Variants in IFT172 observed in about 807,000 individuals in gnomAD.
IFT172 encodes intraflagellar transport 172, also known as intraflagellar transport protein 172 homolog.
Under a neutral mutation model 248.9 loss-of-function variants are expected in IFT172, and 164 were observed. That is an observed-to-expected ratio of 0.66 (90% CI 0.58 to 0.75). IFT172 has a LOEUF of 0.75. IFT172 is among the 30% of genes least tolerant of loss of function. The probability of loss-of-function intolerance (pLI) is 0.00; values close to 1 mark genes in which losing one functional copy is unlikely to be tolerated. For synonymous variants in IFT172, 729 were observed against 791.6 expected, an observed-to-expected ratio of 0.92 and a Z score of 1.33; for missense variants, 1,950 against 2,192.4, an observed-to-expected ratio of 0.89 and a Z score of 2.21.
chr2:27,461,294 A>T lies in IFT172; in HGVS notation c.2417T>A (p.Leu806His). 1 of 1,614,100 alleles carries T rather than the reference A, an allele frequency of 6.2e-7. No individual in the cohort carries two copies. The highest frequency in any genetic ancestry group is 8.5e-7 in the Non-Finnish European group (1 of 1,180,004). Residue 806 changes from leucine (L) to histidine (H), a missense_variant, in exon 22 of 48, where the codon CTT (leucine) becomes CAT (histidine). Leu to His is a moderately conservative substitution (Grantham distance 99, BLOSUM62 -3). Around this residue, in one of 3 missense-constraint regions of IFT172, gnomAD observed 1,166 missense variants for 1,254.1 expected, o/e 0.93. Coordinates refer to ENST00000260570, the MANE Select transcript of IFT172 (RefSeq NM_015662.3). ...TELVEHITAA[L>H]IKGELYERAG... ...CCTTTCGTAGAGTTCCCCCTTGATA[A>T]GGGCTGCAGTGATGTGTTCTACCAG...
Position 27,465,832 on chromosome 2 carries a change from C to T in IFT172, c.1743G>A (p.Val581=). 9 of 1,614,112 alleles carry T rather than the reference C, an allele frequency of 5.6e-6. No individual in the cohort carries two copies. Among genetic ancestry groups the T allele is most frequent in the Middle Eastern group, 1.6e-4 (1 of 6,062 alleles). Residue 581 remains valine (V), a synonymous_variant, in exon 17 of 48, where the codon GTG becomes GTA. Transcript: ENST00000260570. The part of the protein sequence containing the change: ...ERGGGKTEVM[V]MEGVTTVAYT... ...AGGCAACAGTAGTCACACCTTCCATCACCATCACCTCGGTCTTTCCCCCGC... is the reference window on the plus strand; with the variant it reads ...AGGCAACAGTAGTCACACCTTCCATTACCATCACCTCGGTCTTTCCCCCGC...
chr2:27,446,981 G>A (rs1288805164), intron 42 of IFT172, among the ~76,000 whole-genome samples: 1 of 151,962 alleles, frequency 6.6e-6, no homozygotes, highest in Non-Finnish European at 1.5e-5. Context: ...TTACAGGCGT[G>A]AGCCACCGCG....
intron 15 of IFT172, 92 bp from the exon 16 acceptor site, chr2:27,471,187 G>A (rs1667542615): frequency 8.0e-7 from 1 of 1,253,498 alleles, no homozygotes; most frequent in African/African-American, 1.5e-5. Flanking sequence ...GATGTGGTGA[G>A]CTAACCCACC....
At position 27,489,698 on chromosome 2, in the gene IFT172, C is replaced by G; in HGVS notation, c.-45G>C. On this transcript the variant is annotated 5_prime_UTR_variant, in exon 1 of 48. Transcript: ENST00000260570. ...GATGCTCCTAGACAGCGACAACTCC[C>G]GTGGTTACCTGGACAACCCGCCACG... 1 of 1,538,898 alleles carries G rather than the reference C, an allele frequency of 6.5e-7. No homozygotes were observed. Among genetic ancestry groups the G allele is most frequent in the African/African-American group, 1.4e-5 (1 of 73,258 alleles).
chr2:27,450,951 G>GT (rs60390986), intron 35 of IFT172, among the ~76,000 whole-genome samples: 230 of 143,190 alleles, frequency 1.6e-3, no homozygotes, highest in East Asian at 4.9e-3. Flanking sequence ...ATTTTTACCT[G>GT]TTTTTTTTTT....
At chr2:27,461,222 G>C (rs539429828) in intron 22 of IFT172, 47 bp downstream of exon 22, 18 of 1,611,628 alleles carry the variant, frequency 1.1e-5, no homozygotes, top group Non-Finnish European at 1.4e-5. Context: ...GTAAGGGAAG[G>C]GTCCTGAGCT....
chr2:27,481,490 G>A (rs971126202), intron 7 of IFT172, among the ~76,000 whole-genome samples: 2 of 150,988 alleles, frequency 1.3e-5, no homozygotes. Context: ...CATAGGGGTT[G>A]ACCTTGTGCT....
In IFT172 at chr2:27,454,017, C is replaced by T; in HGVS notation, c.3676G>A (p.Ala1226Thr). Residue 1226 changes from alanine (A) to threonine (T), a missense_variant, in exon 33 of 48, where the codon GCC becomes ACC. This residue lies in a region of IFT172 where 620 missense variants were observed against 699.0 expected (regional missense o/e 0.89). Transcript: ENST00000260570. The surrounding 1 kb of genome is among the most constrained non-coding windows in gnomAD (Gnocchi z 4.2). The stretch of plus-strand genomic sequence containing the variant: ...TTGAGGGCCAGGCCTGGTCTCTGGG[C>T]CCGGAGCAGCAGCCCTTCTGCTTTC... The part of the protein sequence containing the change: ...FQKAEGLLLR[A>T]QRPGLALNYY... 1 of 1,613,926 alleles carries T rather than the reference C, an allele frequency of 6.2e-7. No homozygotes were observed. Among genetic ancestry groups the T allele is most frequent in the Non-Finnish European group, 8.5e-7 (1 of 1,179,970 alleles).
Position 27,449,444 on chromosome 2 carries a change from G to C in IFT172, c.4224+55C>G, listed in dbSNP as rs112384215. 841 of 1,573,250 alleles carry C rather than the reference G, an allele frequency of 5.3e-4. 2 individuals carry two copies. The African/African-American group carries it at 9.8e-3, about 18-fold the overall frequency. ...TGACATGAGGGAAAGAAGAGGGAGA[G>C]AGTCTTGTGAGTCTCTCCCTGCATT... On this transcript the variant is annotated intron_variant, in intron 38 of 47. Transcript: ENST00000260570.
intron 16 of IFT172, among the ~76,000 whole-genome samples, chr2:27,466,549 G>A (rs539873560): frequency 6.6e-6 from 1 of 152,072 alleles, no homozygotes; most frequent in Non-Finnish European, 1.5e-5. Context: ...AATCATCACT[G>A]GAGGAGAACA....
intron 1 of IFT172, 90 bp from the exon 2 acceptor site, chr2:27,485,593 G>T: frequency 6.9e-7 from 1 of 1,451,630 alleles, no homozygotes; most frequent in Non-Finnish European, 9.4e-7. Flanking sequence ...TGTAATACTG[G>T]TCAATTTTCT....
chr2:27,445,544 C>G lies in IFT172; in HGVS notation c.4915-95G>C. 7.1e-7 allele frequency: 1 copy of G among 1,415,040 alleles called. No individual in the cohort carries two copies. The highest frequency in any genetic ancestry group is 1.4e-5 in the South Asian group (1 of 73,362). The allele number at this position is 1,415,040 out of a possible 1,614,324, so 87.7% of individuals were successfully genotyped here. ...AGGAGGGGGTTTGCTAAGCCCTCAT[C>G]CTGTATACCAGCTTTTAGCCACGAA... On this transcript the variant is annotated intron_variant, in intron 45 of 47. Transcript: ENST00000260570. The surrounding 1 kb of genome is among the most constrained non-coding windows in gnomAD (Gnocchi z 4.4).
chr2:27,457,080 G>A (rs1396732304), intron 29 of IFT172, among the ~76,000 whole-genome samples: 2 of 151,940 alleles, frequency 1.3e-5, no homozygotes, highest in East Asian at 1.9e-4. Context: ...AACAGGAAGA[G>A]GGCTAAATTT....
chr2:27,483,909 G>C lies in IFT172; in HGVS notation c.365C>G (p.Ala122Gly). Residue 122 changes from alanine (A) to glycine (G), a missense_variant, in exon 5 of 48, where the codon GCA becomes GGA. Around this residue, in one of 3 missense-constraint regions of IFT172, gnomAD observed 1,166 missense variants for 1,254.1 expected, o/e 0.93. Transcript: ENST00000260570. Reference sequence around the variant, plus strand: ...CAGTCCAAAGACAATGATGTATTCTGCCGGCCATTGCAGACAAGTGACAGC... The same window carrying C: ...CAGTCCAAAGACAATGATGTATTCTCCCGGCCATTGCAGACAAGTGACAGC... ...TSAVTCLQWP[A>G]EYIIVFGLAE... 6.2e-7 allele frequency: 1 copy of C among 1,613,872 alleles called. No homozygotes were observed. The highest frequency in any genetic ancestry group is 8.5e-7 in the Non-Finnish European group (1 of 1,179,856).
In IFT172 at chr2:27,477,275, C is replaced by T; in HGVS notation, c.1267G>A (p.Gly423Arg). The T allele has an allele frequency of 1.2e-6, 2 of 1,614,132 alleles. No homozygotes were observed. The highest frequency in any genetic ancestry group is 1.3e-5 in the African/African-American group (1 of 75,020). Residue 423 changes from glycine (G) to arginine (R), a missense_variant, in exon 13 of 48, where the codon GGG becomes AGG. Transcript: ENST00000260570. ...NAGELTLVEYGNNDTLGSVRT... is the reference protein window; with the variant it reads ...NAGELTLVEYRNNDTLGSVRT... ...ACAGAACCCAGGGTGTCATTATTCC[C>T]ATATTCCACCAGGGTTAGCTCTCCG...
In IFT172 at chr2:27,445,434, CTT is replaced by C; in HGVS notation, c.4928_4929del (p.Glu1643GlyfsTer23). 5 of 1,611,378 alleles carry C rather than the reference CTT, an allele frequency of 3.1e-6. No individual in the cohort carries two copies. Among genetic ancestry groups the C allele is most frequent in the Non-Finnish European group, 4.2e-6 (5 of 1,178,928 alleles). On this transcript the variant is annotated frameshift_variant, in exon 46 of 48. Transcript: ENST00000260570. LOFTEE classifies it high-confidence loss of function. This position sits in a 1 kb window ranked among gnomAD's most constrained non-coding sequence, Gnocchi z 4.4. ...AKQHVPEAER[E>X]EVRDWVLTVS... ...ACTGTAAGCACCCAGTCTCGAACCT[CTT>C]CTCTCTCAGCCTCCTGGAAAGGACA...
intron 15 of IFT172, chr2:27,471,728 C>T (rs1203581675): frequency 5.9e-6 from 1 of 170,912 alleles, no homozygotes; most frequent in African/African-American, 2.4e-5. Context: ...AATACAATCA[C>T]CTCTGAGGTC....
At chr2:27,482,296 C>CT (rs998022247) in intron 7 of IFT172, among the ~76,000 whole-genome samples, 51 of 143,954 alleles carry the variant, frequency 3.5e-4, no homozygotes, top group Admixed American at 7.0e-4. Flanking sequence ...ACAAGTAATT[C>CT]TTTTTTTTTT....
intron 15 of IFT172, 66 bp from the exon 16 acceptor site, chr2:27,471,161 A>G (rs1667539981): frequency 6.6e-6 from 10 of 1,520,214 alleles, no homozygotes; most frequent in Admixed American, 3.8e-5. Flanking sequence ...GCTTTTGACC[A>G]TTTTCCTAAT....
Sources: allele counts gnomAD v4.1 joint callset (sites outside exome capture counted in the v4.1 genomes callset), GRCh38; gene constraint gnomAD v4.1.1; regional missense constraint gnomAD v4.1.1; non-coding constraint Gnocchi (gnomAD v3.1); transcripts MANE v1.5; gene names NCBI Gene and HGNC (gene_info 2026-07-23, HGNC 2026-07-21).